Variants in GAGE1 observed in about 807,000 individuals in gnomAD.
The protein encoded by GAGE1 is G antigen 1.
A neutral mutation model predicts 5.0 loss-of-function variants in GAGE1; 5 were observed. The ratio of observed to expected loss-of-function variants is 1.00; its 90% confidence interval spans 0.52 to 2.11. The LOEUF (loss-of-function observed/expected upper bound fraction) is 2.11, where lower values mean the gene tolerates loss of function less well. Ranked by LOEUF, GAGE1 falls within the 30% of genes most tolerant of loss-of-function variation. The probability of loss-of-function intolerance (pLI) is 0.01; values close to 1 mark genes in which losing one functional copy is unlikely to be tolerated. For synonymous variants in GAGE1, 6 were observed against 14.8 expected (o/e 0.40, Z 1.37); for missense variants, 9 against 38.9 (o/e 0.23, Z 2.04).
chrX:49,604,039 G>T (rs1293786004), intron 4 of GAGE1, among the ~76,000 whole-genome samples: 1 of 112,587 alleles, frequency 8.9e-6, no homozygotes, highest in Non-Finnish European at 1.9e-5. Context: ...TTTTAGTAGA[G>T]ACAGGGTTTC....
At chrX:49,605,010 A>C in intron 4 of GAGE1, 1 of 1,002,567 alleles carries the variant, frequency 1.0e-6, no homozygotes, top group Non-Finnish European at 1.3e-6. Context: ...ATGAGGTCTC[A>C]CTATGTTGCC....
At chrX:49,604,858 A>G in intron 4 of GAGE1, 3 of 233,934 alleles carry the variant, frequency 1.3e-5, no homozygotes, top group South Asian at 1.0e-4. Flanking sequence ...CCCAGGGTGG[A>G]GTGCAGTGGT....
chrX:49,605,853 G>T (rs1257597237), intron 4 of GAGE1, 140 bp from the exon 5 acceptor site: 11 of 324,148 alleles, frequency 3.4e-5, no homozygotes, highest in Non-Finnish European at 5.1e-5. Context: ...ACGTTGCAGT[G>T]AACCAGATTG....
At chrX:49,602,586 G>A (rs2066617749) in intron 3 of GAGE1, among the ~76,000 whole-genome samples, 1 of 83,626 alleles carries the variant, frequency 1.2e-5, no homozygotes, top group Non-Finnish European at 2.8e-5. Context: ...ACACACATAC[G>A]GATATATGTT....
At chrX:49,604,976 A>T (rs1557131866) in intron 4 of GAGE1, 12 of 812,492 alleles carry the variant, frequency 1.5e-5, no homozygotes, top group East Asian at 6.8e-5. Flanking sequence ...CCTGAGTAAA[A>T]TTTTTTTTTT....
intron 3 of GAGE1, among the ~76,000 whole-genome samples, chrX:49,602,163 A>G (rs2066613154): frequency 8.8e-6 from 1 of 113,183 alleles, no homozygotes; most frequent in Admixed American, 9.3e-5. Context: ...AAATAAATGG[A>G]TAAATAAATA....
At chrX:49,604,212 T>G (rs1400963957) in intron 4 of GAGE1, among the ~76,000 whole-genome samples, 40 of 112,562 alleles carry the variant, frequency 3.6e-4, no homozygotes, top group African/African-American at 1.2e-3. Flanking sequence ...AAAGAGTTCT[T>G]ATATAAAGGT....
rs1557132393 is a variant in GAGE1 at position 49,607,953 on chromosome X, T to A, written c.*1938T>A. 8.9e-6 allele frequency: 1 copy of A among 111,916 alleles called. No individual in the cohort carries two copies. The highest frequency in any genetic ancestry group is 1.9e-5 in the Non-Finnish European group (1 of 53,239). The allele number at this position is 111,916 out of a possible 1,213,427, so 9.2% of individuals were successfully genotyped here. On this transcript the variant is annotated 3_prime_UTR_variant, in exon 5 of 5. Coordinates refer to ENST00000381700, the MANE Select transcript of GAGE1 (RefSeq NM_001040663.4). ...TAAGGCAGAATTTTCATGAAATTGA[T>A]GACTGACTCCAGTAAGAAGCAGATT...
intron 4 of GAGE1, chrX:49,605,041 T>C: frequency 9.8e-7 from 1 of 1,023,315 alleles, no homozygotes. Flanking sequence ...TTCTCTGGCT[T>C]TTAATGAACA....
chrX:49,604,568 C>A lies in GAGE1; in HGVS notation c.331+775C>A, dbSNP rs782468437. Among the ~76,000 whole-genome samples, 4 of 111,925 alleles carry A rather than the reference C, an allele frequency of 3.6e-5. No individual in the cohort carries two copies. The Admixed American group carries it at 3.8e-4, about 11-fold the overall frequency. The stretch of plus-strand genomic sequence containing the variant: ...GAGATTTTAAAACCATTTTCCATTC[C>A]GGTTCTTTCATACTCTGATCCTGTT... On this transcript the variant is annotated intron_variant, in intron 4 of 4. Coordinates refer to ENST00000381700, the MANE Select transcript of GAGE1 (RefSeq NM_001040663.4).
intron 4 of GAGE1, among the ~76,000 whole-genome samples, chrX:49,604,166 T>G (rs1257089103): frequency 1.8e-5 from 2 of 112,718 alleles, no homozygotes; most frequent in Non-Finnish European, 3.7e-5. Flanking sequence ...CATTATATTT[T>G]TAGTAAGAGA....
At position 49,604,115 on chromosome X, in the gene GAGE1, A is replaced by G. The variant is rs567020447; in HGVS notation, c.331+322A>G. ...TGATCCACCTGCCTCGACCATTGAA[A>G]TTGCCGGGATTACAGGCGAGAGCCA... On this transcript the variant is annotated intron_variant, in intron 4 of 4. Coordinates refer to ENST00000381700, the MANE Select transcript of GAGE1 (RefSeq NM_001040663.4). 4.4e-5 allele frequency among the ~76,000 whole-genome samples: 5 copies of G among 112,832 alleles called. No homozygotes were observed. In the Admixed American group the frequency reaches 4.7e-4, roughly 11 times the overall value.
Position 49,606,061 on chromosome X carries a change from T to C in GAGE1, c.*46T>C, listed in dbSNP as rs183522487. On this transcript the variant is annotated 3_prime_UTR_variant, in exon 5 of 5. Coordinates refer to ENST00000381700, the MANE Select transcript of GAGE1 (RefSeq NM_001040663.4). The stretch of plus-strand genomic sequence containing the variant: ...TGCAGGCTGCTCCTATGTTGGAAAA[T>C]TCTTCATTGAAGTTCTCCCAATAAA... 49 of 942,159 alleles carry C rather than the reference T, an allele frequency of 5.2e-5. No individual in the cohort carries two copies. The East Asian group carries it at 1.7e-3, about 34-fold the overall frequency. The allele number at this position is 942,159 out of a possible 1,213,427, so 77.6% of individuals were successfully genotyped here. A position where few individuals can be genotyped will look rare whatever the true frequency, so the allele number is the denominator to read the frequency against.
At chrX:49,604,763 A>G (rs1216743085) in intron 4 of GAGE1, among the ~76,000 whole-genome samples, 2 of 111,967 alleles carry the variant, frequency 1.8e-5, no homozygotes, top group African/African-American at 6.5e-5. Flanking sequence ...GGAGAGCTGA[A>G]TACGTAGTGT....
chrX:49,604,128 C>T (rs1419024935), intron 4 of GAGE1, among the ~76,000 whole-genome samples: 2 of 112,853 alleles, frequency 1.8e-5, no homozygotes, highest in African/African-American at 3.2e-5. Flanking sequence ...GCCGGGATTA[C>T]AGGCGAGAGC....
In GAGE1 at chrX:49,606,072, A is replaced by C. The variant is rs1409901495; in HGVS notation, c.*57A>C. 3.1e-5 allele frequency: 26 copies of C among 834,484 alleles called. No homozygotes were observed. Among genetic ancestry groups the C allele is most frequent in the Admixed American group, 7.3e-5 (2 of 27,555 alleles). 68.8% of individuals were successfully genotyped at this position (834,484 alleles called of 1,213,427 possible). A position where few individuals can be genotyped will look rare whatever the true frequency, so the allele number is the denominator to read the frequency against. The stretch of plus-strand genomic sequence containing the variant: ...CCTATGTTGGAAAATTCTTCATTGA[A>C]GTTCTCCCAATAAAGCTTTACAGCC... On this transcript the variant is annotated 3_prime_UTR_variant, in exon 5 of 5. Transcript: ENST00000381700.
At chrX:49,604,427 C>T (rs1458336872) in intron 4 of GAGE1, among the ~76,000 whole-genome samples, 6 of 112,465 alleles carry the variant, frequency 5.3e-5, no homozygotes, top group African/African-American at 1.9e-4. Context: ...GTGAAAAATG[C>T]TGAAGCACTC....
chrX:49,605,682 G>A (rs1343949937), intron 4 of GAGE1, among the ~76,000 whole-genome samples: 4 of 111,250 alleles, frequency 3.6e-5, no homozygotes, highest in Non-Finnish European at 7.5e-5. Context: ...AGGCCAAGGC[G>A]GGTGGATCAT....
At chrX:49,605,399 C>T (rs1297764516) in intron 4 of GAGE1, among the ~76,000 whole-genome samples, 3 of 112,219 alleles carry the variant, frequency 2.7e-5, no homozygotes, top group African/African-American at 9.7e-5. Flanking sequence ...CATGTGTTTT[C>T]CAAATTGCTG....
Sources: allele counts gnomAD v4.1 joint callset (sites outside exome capture counted in the v4.1 genomes callset), GRCh38; gene constraint gnomAD v4.1.1; transcripts MANE v1.5; gene names NCBI Gene and HGNC (gene_info 2026-07-23, HGNC 2026-07-21).